Variants in HYAL4 observed in about 807,000 individuals in gnomAD.
The protein encoded by HYAL4 is hyaluronidase-4.
In HYAL4, 37 loss-of-function variants were observed where a neutral mutation model predicts 35.2. The ratio of observed to expected loss-of-function variants is 1.05; its 90% CI spans 0.81 to 1.38. The LOEUF is 1.38. Among genes scored for constraint, HYAL4 ranks in the 40% most tolerant of loss-of-function variants. The pLI is 0.00. For synonymous variants in HYAL4, 198 were observed against 203.2 expected, an observed-to-expected ratio of 0.97 and a Z score of 0.22; for missense variants, 572 against 572.4, an observed-to-expected ratio of 1.00 and a Z score of 0.01.
intron 2 of HYAL4, among the ~76,000 whole-genome samples, chr7:123,858,283 A>C (rs765869803): frequency 2.0e-5 from 3 of 152,174 alleles, no homozygotes; most frequent in Non-Finnish European, 4.4e-5. Context: ...CCAGCTCTTT[A>C]TAAGCCAAAA....
intron 4 of HYAL4, among the ~76,000 whole-genome samples, chr7:123,875,379 T>G (rs949591248): frequency 6.6e-6 from 1 of 152,124 alleles, no homozygotes; most frequent in Non-Finnish European, 1.5e-5. Flanking sequence ...TAAAATAAGA[T>G]TTATGGCGGG....
chr7:123,795,290 A>C, the HYAL4 span, among the ~76,000 whole-genome samples: 1 of 152,110 alleles, frequency 6.6e-6, no homozygotes. Context: ...GAGACTTTGG[A>C]CTTGGACTTT....
chr7:123,830,997 C>G (rs1189080717), intron 1 of HYAL4, among the ~76,000 whole-genome samples: 1 of 152,074 alleles, frequency 6.6e-6, no homozygotes, highest in Non-Finnish European at 1.5e-5. Context: ...TCTGCACTTT[C>G]AATGGTTTGG....
the HYAL4 span, among the ~76,000 whole-genome samples, chr7:123,770,270 G>C: frequency 4.0e-5 from 6 of 151,826 alleles, no homozygotes; most frequent in Non-Finnish European, 7.4e-5. Context: ...GTGAAATCCC[G>C]TCTCTACTAA....
upstream of HYAL4, among the ~76,000 whole-genome samples, chr7:123,843,147 T>G (rs1049907211): frequency 6.6e-6 from 1 of 152,068 alleles, no homozygotes; most frequent in Non-Finnish European, 1.5e-5. Flanking sequence ...CGGTTGTTTC[T>G]TTCCATGTTT....
chr7:123,779,944 A>AT, the HYAL4 span, among the ~76,000 whole-genome samples: 3 of 152,202 alleles, frequency 2.0e-5, no homozygotes, highest in Non-Finnish European at 4.4e-5. Flanking sequence ...AAAAACTATC[A>AT]TACAATGACA....
At chr7:123,822,215 A>G in the HYAL4 span, among the ~76,000 whole-genome samples, 1 of 152,152 alleles carries the variant, frequency 6.6e-6, no homozygotes, top group Non-Finnish European at 1.5e-5. Context: ...GATAGCATCA[A>G]GCCTGCAGAT....
chr7:123,801,957 C>T, the HYAL4 span, among the ~76,000 whole-genome samples: 76 of 152,226 alleles, frequency 5.0e-4, no homozygotes, highest in East Asian at 3.7e-3. Context: ...GTTTTTGTTC[C>T]TAGAGGGTAG....
rs553335743 is a variant in HYAL4 at position 123,829,812 on chromosome 7, CA to C, written c.-257+691del. ...TGTGACTGCACTGCAGTCTGAGTGA[CA>C]AAGTGAGACCCCGTCTCAAAAAAAT... On this transcript the variant is annotated intron_variant, in intron 1 of 4. Transcript: ENST00000489978. Among the ~76,000 whole-genome samples, 429 of 152,176 alleles carry C rather than the reference CA, an allele frequency of 2.8e-3. 1 individual carries two copies. The highest frequency in any genetic ancestry group is 4.8e-3 in the Admixed American group (73 of 15,268).
chr7:123,865,401 C>T (rs1373170047), intron 2 of HYAL4, among the ~76,000 whole-genome samples: 1 of 152,064 alleles, frequency 6.6e-6, no homozygotes, highest in African/African-American at 2.4e-5. Flanking sequence ...GTTTTGAGTA[C>T]CACAATTTTT....
At chr7:123,791,274 CA>C in the HYAL4 span, among the ~76,000 whole-genome samples, 2 of 152,250 alleles carry the variant, frequency 1.3e-5, no homozygotes, top group East Asian at 3.9e-4. Context: ...GTCATGTCAA[CA>C]TGGGCATGTT....
At chr7:123,766,949 C>A in the HYAL4 span, among the ~76,000 whole-genome samples, 6 of 152,182 alleles carry the variant, frequency 3.9e-5, no homozygotes, top group African/African-American at 1.4e-4. Context: ...CTTATATTTC[C>A]AGAAGAATAA....
the HYAL4 span, among the ~76,000 whole-genome samples, chr7:123,803,543 C>T: frequency 6.6e-6 from 1 of 152,166 alleles, no homozygotes; most frequent in African/African-American, 2.4e-5. Flanking sequence ...CCAATTCTCT[C>T]AAGACTATTT....
At chr7:123,805,267 C>A in the HYAL4 span, among the ~76,000 whole-genome samples, 3 of 152,188 alleles carry the variant, frequency 2.0e-5, no homozygotes, top group Admixed American at 2.0e-4. Context: ...ACAATCTGTT[C>A]AACCCTCCTA....
At chr7:123,799,382 A>G in the HYAL4 span, among the ~76,000 whole-genome samples, 5 of 151,478 alleles carry the variant, frequency 3.3e-5, no homozygotes, top group Admixed American at 3.3e-4. Flanking sequence ...TCTTTTTGAA[A>G]ATATAATACT....
chr7:123,846,885 A>G (rs896588106), intron 1 of HYAL4, among the ~76,000 whole-genome samples: 3 of 152,190 alleles, frequency 2.0e-5, no homozygotes, highest in Non-Finnish European at 2.9e-5. Flanking sequence ...AGGTAAGGTC[A>G]GAATCTTCTC....
the HYAL4 span, among the ~76,000 whole-genome samples, chr7:123,770,334 T>C: frequency 6.6e-6 from 1 of 150,858 alleles, no homozygotes. Flanking sequence ...CCCAGCTGCT[T>C]GGGAGGCTGA....
At chr7:123,875,656 C>CAAAAAAAAAAAA (rs1167401861) in intron 4 of HYAL4, among the ~76,000 whole-genome samples, 1 of 62,726 alleles carries the variant, frequency 1.6e-5, no homozygotes, top group African/African-American at 6.2e-5. Context: ...GACTCCATCT[C>CAAAAAAAAAAAA]AAAAAAAAAA....
the HYAL4 span, among the ~76,000 whole-genome samples, chr7:123,766,009 TATC>T: frequency 6.6e-6 from 1 of 152,302 alleles, no homozygotes; most frequent in South Asian, 2.1e-4. Flanking sequence ...CCTAACTTCA[TATC>T]TTTCTCTCGT....
Sources: allele counts gnomAD v4.1 joint callset (sites outside exome capture counted in the v4.1 genomes callset), GRCh38; gene constraint gnomAD v4.1.1; transcripts MANE v1.5; gene names NCBI Gene and HGNC (gene_info 2026-07-23, HGNC 2026-07-21).